CFAP47: variants seen among roughly 807,000 people sequenced by gnomAD.
CFAP47 encodes the protein cilia- and flagella-associated protein 47.
In CFAP47, 29 loss-of-function variants were observed where a neutral mutation model predicts 148.1. The observed-to-expected ratio is 0.20, with a 90% CI of 0.15 to 0.27. The LOEUF is 0.27. CFAP47 is among the 10% of genes least tolerant of loss of function. The pLI, the probability that CFAP47 is intolerant of heterozygous loss-of-function variation, is 1.00. For synonymous variants in CFAP47, 664 were observed against 577.3 expected (o/e 1.15, Z -2.15); for missense variants, 1,872 against 1,697.5 (o/e 1.10, Z -1.81).
intron 37 of CFAP47, among the ~76,000 whole-genome samples, chrX:36,151,406 C>A (rs11095431): frequency 0.14 from 15,890 of 110,888 alleles, 2,388 homozygotes; most frequent in African/African-American, 0.45. Context: ...AATATTTATT[C>A]AACATTTGCT....
intron 39 of CFAP47, among the ~76,000 whole-genome samples, chrX:36,172,015 T>A (rs1170644342): frequency 9.1e-6 from 1 of 110,266 alleles, no homozygotes; most frequent in Non-Finnish European, 1.9e-5. Context: ...GTCCTTCACA[T>A]CCCTTGTAAG....
intron 61 of CFAP47, chrX:36,365,757 C>T (rs1941869993): frequency 9.0e-6 from 1 of 110,849 alleles, no homozygotes; most frequent in African/African-American, 3.3e-5. Flanking sequence ...TTTTCTGTTC[C>T]TATGTTGTTT....
chrX:36,149,914 A>G (rs1249522951), intron 37 of CFAP47, among the ~76,000 whole-genome samples: 1 of 110,082 alleles, frequency 9.1e-6, no homozygotes, highest in East Asian at 2.8e-4. Flanking sequence ...CGGCCTATAT[A>G]TATTTTATAT....
intron 1 of CFAP47, among the ~76,000 whole-genome samples, chrX:35,920,855 T>C (rs1390315575): frequency 1.8e-5 from 2 of 111,739 alleles, no homozygotes; most frequent in Non-Finnish European, 3.8e-5. Context: ...CTGGACTATA[T>C]GTGCAGAAAA....
chrX:36,239,320 A>G (rs1940511825), intron 48 of CFAP47, among the ~76,000 whole-genome samples: 1 of 112,519 alleles, frequency 8.9e-6, no homozygotes, highest in Non-Finnish European at 1.9e-5. Flanking sequence ...ACTTGAAATA[A>G]TCTAAGAAGT....
intron 45 of CFAP47, among the ~76,000 whole-genome samples, chrX:36,216,318 A>G (rs1940158594): frequency 1.8e-5 from 2 of 111,276 alleles, no homozygotes; most frequent in Non-Finnish European, 3.8e-5. Flanking sequence ...TCTTCCCCCT[A>G]CCATCCCTGT....
intron 59 of CFAP47, among the ~76,000 whole-genome samples, chrX:36,353,116 T>C (rs1213701544): frequency 1.8e-5 from 2 of 110,955 alleles, no homozygotes; most frequent in African/African-American, 6.5e-5. Flanking sequence ...GCATTTTCTA[T>C]AGTATTGTTA....
At chrX:35,941,216 A>G in intron 2 of CFAP47, 67 bp from the exon 3 acceptor site, 2 of 575,690 alleles carry the variant, frequency 3.5e-6, no homozygotes, top group Admixed American at 3.4e-5. Context: ...ATATTCCCCT[A>G]CATATTTAGC....
At chrX:36,182,534 C>T (rs1396931752) in intron 40 of CFAP47, among the ~76,000 whole-genome samples, 1 of 111,776 alleles carries the variant, frequency 8.9e-6, no homozygotes, top group African/African-American at 3.3e-5. Flanking sequence ...TTACACGTTA[C>T]TTTTAAAAGC....
chrX:36,377,303 G>T (rs1347242069), intron 62 of CFAP47, among the ~76,000 whole-genome samples: 3 of 111,316 alleles, frequency 2.7e-5, no homozygotes, highest in Non-Finnish European at 5.7e-5. Context: ...CTGACTTTTT[G>T]ATAATCGCCA....
At chrX:36,067,907 T>A (rs187476297) in intron 27 of CFAP47, among the ~76,000 whole-genome samples, 1 of 110,960 alleles carries the variant, frequency 9.0e-6, no homozygotes, top group East Asian at 2.8e-4. Context: ...CACCTCGGCC[T>A]CCCAAAGTGC....
At chrX:36,321,356 A>G (rs1350236501) in intron 57 of CFAP47, among the ~76,000 whole-genome samples, 2 of 111,461 alleles carry the variant, frequency 1.8e-5, no homozygotes, top group African/African-American at 3.3e-5. Context: ...AATGATGGTT[A>G]CCAGAGATTG....
chrX:36,355,349 A>T (rs782488154), intron 60 of CFAP47, among the ~76,000 whole-genome samples: 1 of 111,872 alleles, frequency 8.9e-6, no homozygotes, highest in South Asian at 3.7e-4. Context: ...ATCATCTATT[A>T]TCTAGCAATC....
chrX:36,237,918 C>T (rs184470686), intron 48 of CFAP47, among the ~76,000 whole-genome samples: 1 of 111,009 alleles, frequency 9.0e-6, no homozygotes, highest in African/African-American at 3.3e-5. Flanking sequence ...TGCTAGATTG[C>T]AAATGGAATT....
At chrX:36,261,439 A>G (rs1556000059) in intron 49 of CFAP47, among the ~76,000 whole-genome samples, 1 of 103,457 alleles carries the variant, frequency 9.7e-6, no homozygotes, top group Non-Finnish European at 2.0e-5. Context: ...AAGTGAACAA[A>G]GGTCTCTGGT....
chrX:36,249,642 A>G (rs1259552164), intron 48 of CFAP47, among the ~76,000 whole-genome samples: 2 of 111,401 alleles, frequency 1.8e-5, no homozygotes, highest in African/African-American at 6.5e-5. Context: ...AAGTAAACAT[A>G]TTCTAACTTC....
chrX:36,133,887 A>G (rs1169029607), intron 33 of CFAP47, among the ~76,000 whole-genome samples: 1 of 110,058 alleles, frequency 9.1e-6, no homozygotes, highest in Non-Finnish European at 1.9e-5. Flanking sequence ...GCTGGAATTC[A>G]ACATTTCTGT....
chrX:35,924,349 A>G (rs770660422), intron 1 of CFAP47, among the ~76,000 whole-genome samples: 11 of 106,265 alleles, frequency 1.0e-4, no homozygotes, highest in Non-Finnish European at 1.5e-4. Context: ...ATATGTGTGC[A>G]TATGTGTATA....
intron 26 of CFAP47, among the ~76,000 whole-genome samples, chrX:36,064,666 A>G (rs1429365605): frequency 8.9e-6 from 1 of 111,963 alleles, no homozygotes; most frequent in African/African-American, 3.2e-5. Context: ...ACCATAAAGT[A>G]CTAGTAGATG....
Sources: allele counts gnomAD v4.1 joint callset (sites outside exome capture counted in the v4.1 genomes callset), GRCh38; gene constraint gnomAD v4.1.1; transcripts MANE v1.5; gene names NCBI Gene and HGNC (gene_info 2026-07-23, HGNC 2026-07-21).